The following ADAMTS19 variants were observed in gnomAD, a reference collection of about 807,000 sequenced individuals.
ADAMTS19 encodes ADAM metallopeptidase with thrombospondin type 1 motif 19.
Under a neutral mutation model 153.3 loss-of-function variants are expected in ADAMTS19, and 93 were observed. The observed-to-expected ratio is 0.61, with a 90% confidence interval of 0.51 to 0.72. The LOEUF (loss-of-function observed/expected upper bound fraction) is 0.72. ADAMTS19 is among the 30% of genes least tolerant of loss of function. ADAMTS19 has a pLI of 0.00. For missense variants in ADAMTS19, 1,482 were observed against 1,552.1 expected (o/e 0.95, Z 0.76); for synonymous variants, 600 against 556.6 (o/e 1.08, Z -1.10).
chr5:129,483,974 C>T (rs996349373), intron 2 of ADAMTS19, among the ~76,000 whole-genome samples: 1 of 152,114 alleles, frequency 6.6e-6, no homozygotes, highest in African/African-American at 2.4e-5. Flanking sequence ...TCTAAAAATG[C>T]TAGACCAAGT....
intron 7 of ADAMTS19, among the ~76,000 whole-genome samples, chr5:129,576,418 G>A (rs1046664755): frequency 1.3e-5 from 2 of 151,824 alleles, no homozygotes; most frequent in African/African-American, 4.8e-5. Context: ...CTCCATACAC[G>A]GAGCAGGGCA....
intron 2 of ADAMTS19, among the ~76,000 whole-genome samples, chr5:129,506,162 CA>C (rs139143461): frequency 0.11 from 17,295 of 152,102 alleles, 1,100 homozygotes; most frequent in Middle Eastern, 0.16. Context: ...CAGAAAACCT[CA>C]AGATTTCCTA....
intron 7 of ADAMTS19, among the ~76,000 whole-genome samples, chr5:129,592,377 CAAAAAAAAAA>C (rs1169388973): frequency 7.5e-5 from 6 of 79,572 alleles, no homozygotes; most frequent in African/African-American, 2.5e-4. Flanking sequence ...GTCTCCGTTT[CAAAAAAAAAA>C]AAAAAAAAAA....
In ADAMTS19 at chr5:129,694,971, C is replaced by T. The variant is rs919771622; in HGVS notation, c.2954+116C>T. On this transcript the variant is annotated intron_variant, in intron 19 of 22. Coordinates refer to ENST00000274487, the MANE Select transcript of ADAMTS19 (RefSeq NM_133638.6). ...TTCTTAAAAACATTGCCAAAGGATACGTACCAAAATTTAAAGTCTTAAATA... is the reference window on the plus strand; with the variant it reads ...TTCTTAAAAACATTGCCAAAGGATATGTACCAAAATTTAAAGTCTTAAATA... 12 of 1,210,590 alleles carry T rather than the reference C, an allele frequency of 9.9e-6. No homozygotes were observed. The African/African-American group carries it at 1.1e-4, about 11-fold the overall frequency. 75.0% of individuals were successfully genotyped at this position (1,210,590 alleles called of 1,614,324 possible). A position where few individuals can be genotyped will look rare whatever the true frequency, so the allele number is the denominator to read the frequency against.
At chr5:129,686,988 G>A (rs1043433160) in intron 18 of ADAMTS19, among the ~76,000 whole-genome samples, 8 of 152,098 alleles carry the variant, frequency 5.3e-5, no homozygotes, top group African/African-American at 1.9e-4. Flanking sequence ...GCTCCCATAT[G>A]CACCCAAATT....
chr5:129,711,807 T>C (rs2127181623), intron 21 of ADAMTS19, among the ~76,000 whole-genome samples: 1 of 152,338 alleles, frequency 6.6e-6, no homozygotes, highest in South Asian at 2.1e-4. Context: ...ATATCTTTGC[T>C]GTAGGACTTT....
chr5:129,565,079 T>C (rs1581091260), intron 7 of ADAMTS19, among the ~76,000 whole-genome samples: 2 of 152,188 alleles, frequency 1.3e-5, no homozygotes, highest in African/African-American at 2.4e-5. Flanking sequence ...AACACACTAA[T>C]CAGAATTTTT....
intron 21 of ADAMTS19, among the ~76,000 whole-genome samples, chr5:129,709,467 G>T (rs1427256173): frequency 6.6e-6 from 1 of 151,814 alleles, no homozygotes; most frequent in African/African-American, 2.4e-5. Context: ...ATATTATATT[G>T]TCATAGGAAT....
intron 10 of ADAMTS19, among the ~76,000 whole-genome samples, chr5:129,641,176 G>T (rs1752770985): frequency 6.6e-6 from 1 of 152,098 alleles, no homozygotes; most frequent in Non-Finnish European, 1.5e-5. Context: ...TAAGGTTTTT[G>T]ACAATTTTTC....
At chr5:129,723,920 A>G (rs1221052498) in intron 21 of ADAMTS19, among the ~76,000 whole-genome samples, 1 of 152,220 alleles carries the variant, frequency 6.6e-6, no homozygotes, top group East Asian at 1.9e-4. Flanking sequence ...ACCAGGTCAT[A>G]GGTGGATTCA....
In ADAMTS19 at chr5:129,616,209, A is replaced by T. The variant is rs555684499; in HGVS notation, c.1479-4409A>T. Among the ~76,000 whole-genome samples the T allele has an allele frequency of 4.1e-3, 628 of 152,110 alleles. 5 individuals are homozygous for T. Among genetic ancestry groups the T allele is most frequent in the African/African-American group, 0.015 (607 of 41,546 alleles). On this transcript the variant is annotated intron_variant, in intron 8 of 22. Transcript: ENST00000274487. ...TGAATTTTTTCTCCATGAACACACA[A>T]TAGTGAAATTATATAGACTTAGATA...
At chr5:129,724,101 G>A (rs1757112759) in intron 21 of ADAMTS19, among the ~76,000 whole-genome samples, 1 of 152,194 alleles carries the variant, frequency 6.6e-6, no homozygotes, top group Non-Finnish European at 1.5e-5. Context: ...TTTCTTATCA[G>A]ATTCAAAAAG....
intron 2 of ADAMTS19, among the ~76,000 whole-genome samples, chr5:129,480,612 C>G (rs902541046): frequency 6.6e-6 from 1 of 151,772 alleles, no homozygotes; most frequent in Non-Finnish European, 1.5e-5. Flanking sequence ...AAGAAGATAC[C>G]AGATGGAAAA....
intron 6 of ADAMTS19, among the ~76,000 whole-genome samples, chr5:129,531,908 C>G (rs1319236622): frequency 6.6e-6 from 1 of 152,048 alleles, no homozygotes; most frequent in African/African-American, 2.4e-5. Flanking sequence ...TAAAAATAAT[C>G]TATTCAGCAG....
In ADAMTS19 at chr5:129,708,613, A is replaced by G. The variant is rs972205506; in HGVS notation, c.3312+4222A>G. ...AGCAAAAAAAAAAAAAAAAAAAAAA[A>G]AGAGTACTATTTTATCTACCTGTTT... On this transcript the variant is annotated intron_variant, in intron 21 of 22. Coordinates refer to ENST00000274487, the MANE Select transcript of ADAMTS19 (RefSeq NM_133638.6). 3.4e-5 allele frequency among the ~76,000 whole-genome samples: 5 copies of G among 148,476 alleles called. No individual in the cohort carries two copies. In the East Asian group the frequency reaches 7.8e-4, roughly 23 times the overall value.
chr5:129,542,662 A>G lies in ADAMTS19; in HGVS notation c.1329-9202A>G, dbSNP rs76396996. Among the ~76,000 whole-genome samples, 657 of 152,280 alleles carry G rather than the reference A, an allele frequency of 4.3e-3. 4 individuals carry two copies. The highest frequency in any genetic ancestry group is 0.026 in the East Asian group (133 of 5,176). On this transcript the variant is annotated intron_variant, in intron 6 of 22. Coordinates refer to ENST00000274487, the MANE Select transcript of ADAMTS19 (RefSeq NM_133638.6). ...TAGTGATTGTGTTTTATGAGATAAA[A>G]TTTGGATGTATCTTCCCTCATTTAT...
At chr5:129,634,215 G>A (rs28378169) in intron 10 of ADAMTS19, among the ~76,000 whole-genome samples, 37,972 of 151,838 alleles carry the variant, frequency 0.25, 5,625 homozygotes, top group African/African-American at 0.41. Flanking sequence ...AAATACCTAG[G>A]AATACAGCCA....
chr5:129,460,673 T>G (rs1749616831), intron 1 of ADAMTS19, 191 bp downstream of exon 1: 1 of 635,870 alleles, frequency 1.6e-6, no homozygotes, highest in African/African-American at 1.8e-5. Flanking sequence ...GGCCTCGTTT[T>G]AACCGTATGT....
At chr5:129,560,429 AGGCATTATCTTT>A (rs1296240507) in intron 7 of ADAMTS19, among the ~76,000 whole-genome samples, 3 of 152,170 alleles carry the variant, frequency 2.0e-5, no homozygotes, top group Non-Finnish European at 4.4e-5. Context: ...CACCTTGAAC[AGGCATTATCTTT>A]GTCCCAGTGC....
Sources: allele counts gnomAD v4.1 joint callset (sites outside exome capture counted in the v4.1 genomes callset), GRCh38; gene constraint gnomAD v4.1.1; transcripts MANE v1.5; gene names NCBI Gene and HGNC (gene_info 2026-07-23, HGNC 2026-07-21).